Variants in WDR27 observed in about 807,000 individuals in gnomAD.
WDR27 encodes WD repeat-containing protein 27.
Under a neutral mutation model 114.4 loss-of-function variants are expected in WDR27, and 100 were observed. That is an observed-to-expected ratio of 0.87 (90% CI 0.74 to 1.03). The LOEUF (loss-of-function observed/expected upper bound fraction) is 1.03. WDR27 is among the 50% of genes least tolerant of loss of function. The pLI, the probability that WDR27 is intolerant of heterozygous loss-of-function variation, is 0.00. For missense variants in WDR27, 1,129 were observed against 1,092.9 expected (o/e 1.03, Z -0.47); for synonymous variants, 449 against 423.1 (o/e 1.06, Z -0.75).
At chr6:169,670,739 GCATTA>G (rs759066587) in intron 3 of WDR27, 46 bp from the exon 4 acceptor site, 3 of 1,607,804 alleles carry the variant, frequency 1.9e-6, no homozygotes, top group East Asian at 2.2e-5. Flanking sequence ...AATGCATTCA[GCATTA>G]CATTAATCTG....
the WDR27 span, among the ~76,000 whole-genome samples, chr6:169,437,077 G>C: frequency 6.6e-6 from 1 of 152,040 alleles, no homozygotes; most frequent in Non-Finnish European, 1.5e-5. Context: ...CTCAAAGATA[G>C]GGGGAAGAAA....
chr6:169,643,826 C>G, intron 16 of WDR27, 40 bp from the exon 17 acceptor site: 1 of 1,542,974 alleles, frequency 6.5e-7, no homozygotes. Context: ...TTAGAAAAGC[C>G]TAATTCATAG....
At position 169,685,292 on chromosome 6, in the gene WDR27, A is replaced by G. The variant is rs572272957; in HGVS notation, c.189+3525T>C. Among the ~76,000 whole-genome samples the G allele has an allele frequency of 5.2e-4, 79 of 152,198 alleles. No homozygotes were observed. In the South Asian group the frequency reaches 8.3e-3, roughly 16 times the overall value. On this transcript the variant is annotated intron_variant, in intron 2 of 25. Coordinates refer to ENST00000448612, the MANE Select transcript of WDR27 (RefSeq NM_182552.5). ...AGAAAAAAAAAAGCCAAAAACAAAC[A>G]ACAACAACAAAAAGTCACCTCCAAA...
chr6:169,452,939 C>CT (rs1784214722), downstream of WDR27, among the ~76,000 whole-genome samples: 2 of 152,332 alleles, frequency 1.3e-5, no homozygotes, highest in South Asian at 4.1e-4. Flanking sequence ...CCACAAGCAG[C>CT]TGTGACCTCA....
At chr6:169,647,978 C>T (rs1388652693) in intron 15 of WDR27, 108 bp from the exon 16 acceptor site, 2 of 693,130 alleles carry the variant, frequency 2.9e-6, no homozygotes, top group African/African-American at 1.9e-5. Flanking sequence ...CATGTATAAT[C>T]GTATTCCAGT....
At chr6:169,598,063 TGTA>T (rs1480747724) in intron 23 of WDR27, among the ~76,000 whole-genome samples, 2 of 152,068 alleles carry the variant, frequency 1.3e-5, no homozygotes. Flanking sequence ...CCAGGGTTTG[TGTA>T]GTAGTTCTGA....
At chr6:169,515,050 C>T (rs927204104) in intron 25 of WDR27, among the ~76,000 whole-genome samples, 2 of 151,866 alleles carry the variant, frequency 1.3e-5, no homozygotes, top group Non-Finnish European at 2.9e-5. Context: ...ATTTAAAAGA[C>T]TGATAACACT....
intron 1 of WDR27, among the ~76,000 whole-genome samples, chr6:169,691,042 T>C (rs892583589): frequency 1.3e-5 from 2 of 152,012 alleles, no homozygotes; most frequent in Admixed American, 6.6e-5. Flanking sequence ...GGTGAAACCC[T>C]GTCTCTACTA....
chr6:169,474,838 A>T (rs1410249880), intron 25 of WDR27, among the ~76,000 whole-genome samples: 1 of 152,234 alleles, frequency 6.6e-6, no homozygotes, highest in East Asian at 1.9e-4. Flanking sequence ...TAGGACATGC[A>T]ATAATCTTTC....
chr6:169,638,341 A>AAAAAG lies in WDR27; in HGVS notation c.1869+197_1869+198insCTTTT, dbSNP rs1416697379. ...CCGTCTCAAAAAAAAAAAAAAAAAA[A>AAAAAG]AAAAAAAAAAGAAACTAATCAATAA... On this transcript the variant is annotated intron_variant, in intron 18 of 25. Transcript: ENST00000448612. Among the ~76,000 whole-genome samples, 9 of 64,592 alleles carry AAAAAG rather than the reference A, an allele frequency of 1.4e-4. 1 individual carries two copies. The highest frequency in any genetic ancestry group is 1.4e-3 in the East Asian group (1 of 718). The allele number at this position is 64,592 out of a possible 152,430, so 42.4% of individuals were successfully genotyped here.
At chr6:169,647,705 T>C (rs1821146904) in intron 16 of WDR27, 68 bp downstream of exon 16, 1 of 1,278,208 alleles carries the variant, frequency 7.8e-7, no homozygotes, top group East Asian at 2.5e-5. Flanking sequence ...TAGAAAAATG[T>C]TTACAGTGGG....
At chr6:169,583,448 T>A (rs944177919) in intron 23 of WDR27, among the ~76,000 whole-genome samples, 17 of 149,678 alleles carry the variant, frequency 1.1e-4, no homozygotes, top group Middle Eastern at 3.5e-3. Flanking sequence ...TGTTGATAAA[T>A]AAGTTCCTCT....
At chr6:169,552,736 A>G (rs2128105176) in intron 25 of WDR27, among the ~76,000 whole-genome samples, 1 of 152,326 alleles carries the variant, frequency 6.6e-6, no homozygotes, top group East Asian at 1.9e-4. Flanking sequence ...AAACATTGTT[A>G]GTGGAATTTT....
intron 25 of WDR27, among the ~76,000 whole-genome samples, chr6:169,507,626 A>T (rs117619224): frequency 0.021 from 3,166 of 152,342 alleles, 49 homozygotes; most frequent in Non-Finnish European, 0.033. Flanking sequence ...AACTTTCAGG[A>T]AAGTTTTCAG....
chr6:169,479,939 C>T (rs941964350), intron 25 of WDR27, among the ~76,000 whole-genome samples: 1 of 152,244 alleles, frequency 6.6e-6, no homozygotes, highest in African/African-American at 2.4e-5. Context: ...TCTGGCCACA[C>T]TTGAGGAGCC....
chr6:169,535,368 G>A (rs1402271810), intron 25 of WDR27, among the ~76,000 whole-genome samples: 6 of 152,064 alleles, frequency 3.9e-5, no homozygotes, highest in Admixed American at 6.5e-5. Context: ...ACAGTTTTAC[G>A]ACTCAAAACT....
At chr6:169,699,802 T>C (rs1787371856) in intron 1 of WDR27, among the ~76,000 whole-genome samples, 2 of 151,890 alleles carry the variant, frequency 1.3e-5, no homozygotes, top group African/African-American at 4.8e-5. Context: ...GGCAACATAG[T>C]GAGACCCTGT....
chr6:169,658,807 C>T (rs1179609049), intron 12 of WDR27, among the ~76,000 whole-genome samples: 4 of 151,970 alleles, frequency 2.6e-5, no homozygotes, highest in Non-Finnish European at 4.4e-5. Flanking sequence ...CCTCAGCCTC[C>T]CGACTAGCTG....
chr6:169,533,532 G>A (rs1795857438), intron 25 of WDR27, among the ~76,000 whole-genome samples: 2 of 152,176 alleles, frequency 1.3e-5, no homozygotes, highest in South Asian at 4.1e-4. Flanking sequence ...TAAGGTTTTA[G>A]TCACCCTCCT....
Sources: gnomAD v4.1 joint callset for allele counts (sites outside exome capture counted in the v4.1 genomes callset) on GRCh38, gnomAD v4.1.1 for gene constraint, MANE v1.5 for transcripts, NCBI Gene and HGNC (gene_info 2026-07-23, HGNC 2026-07-21) for gene names.